Variants in CLIP2 observed in about 807,000 individuals in gnomAD.
The protein encoded by CLIP2 is CAP-Gly domain-containing linker protein 2.
Under a neutral mutation model 111.7 loss-of-function variants are expected in CLIP2, and 41 were observed. That is an observed-to-expected ratio of 0.37 (90% CI 0.29 to 0.48). The LOEUF (loss-of-function observed/expected upper bound fraction) is 0.48. Among genes scored for constraint, CLIP2 ranks in the 20% least tolerant of loss-of-function variants. The pLI is 0.99. For missense variants in CLIP2, 1,160 were observed against 1,422.1 expected (o/e 0.82, Z 2.96); for synonymous variants, 660 against 644.2 (o/e 1.02, Z -0.37).
At chr7:74,359,545 TG>T (rs1790261233) in intron 6 of CLIP2, among the ~76,000 whole-genome samples, 1 of 151,302 alleles carries the variant, frequency 6.6e-6, no homozygotes, top group Non-Finnish European at 1.5e-5. Context: ...TTAGTAGAGA[TG>T]GGGTTTCACC....
At chr7:74,363,147 G>A (rs182224505) in intron 7 of CLIP2, among the ~76,000 whole-genome samples, 34 of 152,278 alleles carry the variant, frequency 2.2e-4, no homozygotes, top group African/African-American at 7.5e-4. Flanking sequence ...TGAGATTACA[G>A]GGATGCGCCA....
At chr7:74,387,791 A>AG (rs1273704751) in intron 12 of CLIP2, among the ~76,000 whole-genome samples, 1 of 152,220 alleles carries the variant, frequency 6.6e-6, no homozygotes, top group Non-Finnish European at 1.5e-5. Context: ...GAGCCCAAGC[A>AG]GCTGCTGTGC....
intron 1 of CLIP2, among the ~76,000 whole-genome samples, chr7:74,299,768 G>A (rs1237774470): frequency 1.4e-4 from 21 of 151,372 alleles, no homozygotes; most frequent in African/African-American, 2.7e-4. Flanking sequence ...GTGTGATCTC[G>A]GCTCACCGCA....
At chr7:74,295,074 C>A (rs1554725880) in intron 1 of CLIP2, among the ~76,000 whole-genome samples, 1 of 152,172 alleles carries the variant, frequency 6.6e-6, no homozygotes, top group African/African-American at 2.4e-5. Context: ...CATCATCCCA[C>A]CTTAGTTAGC....
chr7:74,373,130 T>C (rs1790684423), intron 9 of CLIP2, 94 bp downstream of exon 9: 4 of 691,388 alleles, frequency 5.8e-6, no homozygotes, highest in Admixed American at 5.7e-5. Context: ...TCTCTTTCTT[T>C]AGCTGCTATC....
rs114004213 is a variant in CLIP2 at position 74,290,853 on chromosome 7, A to T, written c.-68+1119A>T. Among the ~76,000 whole-genome samples, 404 of 152,284 alleles carry T rather than the reference A, an allele frequency of 2.7e-3. 2 individuals are homozygous for T. The highest frequency in any genetic ancestry group is 9.3e-3 in the African/African-American group (388 of 41,572). ...TTCTAGGGGCTGGCTGGTCCACAGGACAGCAGCCTCGGTGTCCCCAAAAAG... is the reference window on the plus strand; with the variant it reads ...TTCTAGGGGCTGGCTGGTCCACAGGTCAGCAGCCTCGGTGTCCCCAAAAAG... On this transcript the variant is annotated intron_variant, in intron 1 of 16. Transcript: ENST00000223398.
intron 1 of CLIP2, among the ~76,000 whole-genome samples, chr7:74,290,672 A>G (rs1554725247): frequency 6.6e-6 from 1 of 152,102 alleles, no homozygotes; most frequent in Non-Finnish European, 1.5e-5. Flanking sequence ...CTCTTGCGCG[A>G]TGCCTGAGGG....
intron 11 of CLIP2, among the ~76,000 whole-genome samples, chr7:74,384,441 A>ATTTTTTTT: frequency 1.0e-5 from 1 of 98,476 alleles, no homozygotes; most frequent in African/African-American, 4.3e-5. Flanking sequence ...AGGTCATATG[A>ATTTTTTTT]TTTTTTTTTT....
chr7:74,343,853 C>T (rs567103653), intron 3 of CLIP2, among the ~76,000 whole-genome samples: 1 of 151,568 alleles, frequency 6.6e-6, no homozygotes, highest in South Asian at 2.1e-4. Flanking sequence ...CAGTGAGCCA[C>T]GATGGGACCA....
chr7:74,355,436 C>G (rs1554308306), intron 4 of CLIP2, among the ~76,000 whole-genome samples: 1 of 152,156 alleles, frequency 6.6e-6, no homozygotes. Context: ...ATAGCAAAAC[C>G]TCATCTCTAC....
chr7:74,323,488 C>T (rs1046414941), intron 2 of CLIP2, among the ~76,000 whole-genome samples: 5 of 151,166 alleles, frequency 3.3e-5, no homozygotes, highest in African/African-American at 9.7e-5. Flanking sequence ...AGTGCAGTGG[C>T]ATGATCTTGG....
chr7:74,389,490 C>T (rs1450102310), intron 13 of CLIP2: 2 of 367,832 alleles, frequency 5.4e-6, no homozygotes, highest in Non-Finnish European at 9.6e-6. Flanking sequence ...GGCACAGTGG[C>T]TCATGCCTGT....
intron 8 of CLIP2, among the ~76,000 whole-genome samples, chr7:74,364,547 C>T (rs1248566442): frequency 6.6e-6 from 1 of 152,148 alleles, no homozygotes; most frequent in African/African-American, 2.4e-5. Flanking sequence ...GTGGGCAGGA[C>T]GAACCCAGGG....
intron 1 of CLIP2, among the ~76,000 whole-genome samples, chr7:74,310,930 G>A (rs1554728422): frequency 6.6e-6 from 1 of 151,258 alleles, no homozygotes; most frequent in African/African-American, 2.4e-5. Flanking sequence ...GCCCAGGCTG[G>A]TCTCCAACTC....
intron 2 of CLIP2, among the ~76,000 whole-genome samples, chr7:74,325,298 G>C (rs1789078940): frequency 6.6e-6 from 1 of 152,184 alleles, no homozygotes. Context: ...GAGGTGGTCA[G>C]AGCAGGTGGG....
intron 2 of CLIP2, among the ~76,000 whole-genome samples, chr7:74,328,839 C>T (rs1554730948): frequency 1.3e-5 from 2 of 151,846 alleles, no homozygotes; most frequent in African/African-American, 4.8e-5. Context: ...TCACTGCAGC[C>T]TCCAACTCCT....
At chr7:74,307,486 G>A (rs1173811309) in intron 1 of CLIP2, among the ~76,000 whole-genome samples, 1 of 152,058 alleles carries the variant, frequency 6.6e-6, no homozygotes, top group South Asian at 2.1e-4. Flanking sequence ...CAGTAGGTTC[G>A]TTTTTTTGTT....
intron 8 of CLIP2, among the ~76,000 whole-genome samples, chr7:74,369,554 A>G (rs1311163917): frequency 1.3e-5 from 2 of 151,228 alleles, no homozygotes; most frequent in Middle Eastern, 3.4e-3. Flanking sequence ...AAAAATAAAT[A>G]AATAAAAATT....
At chr7:74,334,381 C>T (rs1019950669) in intron 2 of CLIP2, among the ~76,000 whole-genome samples, 3 of 152,118 alleles carry the variant, frequency 2.0e-5, no homozygotes, top group Admixed American at 1.3e-4. Context: ...CCTGTGACCC[C>T]TGGGAGGGGA....
Sources: allele counts gnomAD v4.1 joint callset (sites outside exome capture counted in the v4.1 genomes callset), GRCh38; gene constraint gnomAD v4.1.1; transcripts MANE v1.5; gene names NCBI Gene and HGNC (gene_info 2026-07-23, HGNC 2026-07-21).